The following SALL4 variants were observed in gnomAD, a reference collection of about 807,000 sequenced individuals.
The protein encoded by SALL4 is spalt like transcription factor 4.
In SALL4, 4 loss-of-function variants were observed where a neutral mutation model predicts 60.8. The observed-to-expected ratio is 0.07, with a 90% CI of 0.03 to 0.15. The LOEUF is 0.15. Ranked by LOEUF, SALL4 falls within the 10% of genes least tolerant of loss-of-function variation. The pLI is 1.00. For synonymous variants in SALL4, 580 were observed against 574.9 expected (o/e 1.01, Z -0.13); for missense variants, 1,178 against 1,394.7 (o/e 0.84, Z 2.48).
At position 51,792,062 on chromosome 20, in the gene SALL4, C is replaced by T. The variant is rs747132490; in HGVS notation, c.421G>A (p.Glu141Lys). 6.2e-7 allele frequency: 1 copy of T among 1,614,216 alleles called. No homozygotes were observed. The highest frequency in any genetic ancestry group is 8.5e-7 in the Non-Finnish European group (1 of 1,180,046). Residue 141 changes from glutamate (E) to lysine (K), a missense_variant, in exon 2 of 4, where the codon GAG becomes AAG. Physicochemically the swap from Glu to Lys is moderately conservative, Grantham distance 56. Around this residue, in one of 5 missense-constraint regions of SALL4, gnomAD observed 853 missense variants for 1,036.8 expected, o/e 0.82. Coordinates refer to ENST00000217086, the MANE Select transcript of SALL4 (RefSeq NM_020436.5). The part of the protein sequence containing the change: ...DCHRENGGSS[E>K]DMKEKPDAES... ...GCATCCGGCTTCTCCTTCATGTCCT[C>T]TGAGCTGCCGCCATTCTCCCTGTGA... is the stretch of plus-strand genomic sequence containing the variant.
Position 51,784,124 on chromosome 20 carries a change from G to T in SALL4, c.*141C>A. The T allele has an allele frequency of 3.1e-6, 3 of 966,214 alleles. No individual in the cohort carries two copies. The highest frequency in any genetic ancestry group is 4.8e-6 in the Non-Finnish European group (3 of 626,264). 59.9% of individuals were successfully genotyped at this position (966,214 alleles called of 1,614,324 possible). Reference sequence around the variant, plus strand: ...ATCGTGATTGTAGCACTTGCCTGAGGTTGTGGTCACAACCAACGTAGTAAA... The same window carrying T: ...ATCGTGATTGTAGCACTTGCCTGAGTTTGTGGTCACAACCAACGTAGTAAA... On this transcript the variant is annotated 3_prime_UTR_variant, in exon 4 of 4. Transcript: ENST00000217086.
chr20:51,792,410 C>T (rs1287042066), intron 1 of SALL4, 58 bp from the exon 2 acceptor site: 41 of 1,585,304 alleles, frequency 2.6e-5, no homozygotes, highest in Admixed American at 5.0e-5. Flanking sequence ...TGGGGGGAGC[C>T]GGGCACCGTC....
At position 51,801,822 on chromosome 20, in the gene SALL4, C is replaced by T. The variant is rs1451539916; in HGVS notation, c.130+457G>A. ...TTCCAGGGGTGCGCCCCTCCTCCAG[C>T]CTCCAAGAAAAGCCCCAAGGGGCTG... On this transcript the variant is annotated intron_variant, in intron 1 of 3. Transcript: ENST00000217086. This position sits in a 1 kb window ranked among gnomAD's most constrained non-coding sequence, Gnocchi z 5.2. Among the ~76,000 whole-genome samples, 1 of 151,712 alleles carries T rather than the reference C, an allele frequency of 6.6e-6. No individual in the cohort carries two copies. The highest frequency in any genetic ancestry group is 1.5e-5 in the Non-Finnish European group (1 of 67,928).
chr20:51,795,944 C>T (rs1016240784), intron 1 of SALL4, among the ~76,000 whole-genome samples: 1 of 152,078 alleles, frequency 6.6e-6, no homozygotes, highest in Admixed American at 6.6e-5. Context: ...CCTGTAATCC[C>T]AGCACTTTGG....
chr20:51,793,326 TAAG>T (rs1424851034), intron 1 of SALL4, among the ~76,000 whole-genome samples: 8 of 150,966 alleles, frequency 5.3e-5, no homozygotes, highest in Admixed American at 3.3e-4. Context: ...ATAAAAAAAA[TAAG>T]AAGATAAAAA....
At chr20:51,796,513 A>G (rs2078080786) in intron 1 of SALL4, among the ~76,000 whole-genome samples, 2 of 152,194 alleles carry the variant, frequency 1.3e-5, no homozygotes, top group African/African-American at 4.8e-5. Flanking sequence ...TGTGTGGCCC[A>G]AGATAATCCT....
rs755773259 is a variant in SALL4 at position 51,790,880 on chromosome 20, C to T, written c.1603G>A (p.Gly535Ser). The change falls in exon 2 of 4, where the codon GGC becomes AGC. Residue 535 changes from glycine to serine, a missense_variant. Gly to Ser is a moderately conservative substitution (Grantham distance 56). This residue lies in a region of SALL4 where 853 missense variants were observed against 1,036.8 expected (regional missense o/e 0.82). Coordinates refer to ENST00000217086, the MANE Select transcript of SALL4 (RefSeq NM_020436.5). This position sits in a 1 kb window ranked among gnomAD's most constrained non-coding sequence, Gnocchi z 5.5. ...GPNYNSPRAG[G>S]FQGSGTPEPG... ...TCAGGGGTCCCACTCCCTTGGAAGC[C>T]ACCAGCCCTTGGGGAATTATAGTTT... The T allele has an allele frequency of 2.0e-5, 32 of 1,614,126 alleles. No homozygotes were observed. Among genetic ancestry groups the T allele is most frequent in the Non-Finnish European group, 2.5e-5 (30 of 1,180,040 alleles).
At chr20:51,792,643 C>A in intron 1 of SALL4, 1 of 616,434 alleles carries the variant, frequency 1.6e-6, no homozygotes, top group Non-Finnish European at 2.4e-6. Context: ...GAGCTGAGAT[C>A]CCGCCATTGC....
At chr20:51,795,102 T>A (rs1307216000) in intron 1 of SALL4, among the ~76,000 whole-genome samples, 1 of 152,082 alleles carries the variant, frequency 6.6e-6, no homozygotes. Flanking sequence ...CAGCACAAAC[T>A]CTCCTTTCTT....
At chr20:51,792,454 T>A (rs2078053567) in intron 1 of SALL4, 102 bp from the exon 2 acceptor site, 9 of 1,415,020 alleles carry the variant, frequency 6.4e-6, no homozygotes, top group Admixed American at 3.5e-5. Flanking sequence ...TTTGGGAGGC[T>A]GAGGTGGGCA....
rs560786072 is a variant in SALL4 at position 51,801,922 on chromosome 20, G to T, written c.130+357C>A. On this transcript the variant is annotated intron_variant, in intron 1 of 3. Transcript: ENST00000217086. The surrounding 1 kb of genome is among the most constrained non-coding windows in gnomAD (Gnocchi z 5.2). ...AGGGAGGGGGACCTAAGTTACAAGGGGGGGGGGTAACACCAGTGAGGGGAG... is the reference window on the plus strand; with the variant it reads ...AGGGAGGGGGACCTAAGTTACAAGGTGGGGGGGTAACACCAGTGAGGGGAG... Among the ~76,000 whole-genome samples, 6 of 94,854 alleles carry T rather than the reference G, an allele frequency of 6.3e-5. No individual in the cohort carries two copies. The highest frequency in any genetic ancestry group is 4.3e-4 in the South Asian group (1 of 2,316). 62.2% of individuals were successfully genotyped at this position (94,854 alleles called of 152,430 possible).
chr20:51,802,208 C>G, intron 1 of SALL4, 71 bp downstream of exon 1: 2 of 1,503,584 alleles, frequency 1.3e-6, no homozygotes, highest in Non-Finnish European at 1.8e-6. Flanking sequence ...TCCCCGAAGC[C>G]TGCGCCCTCG....
chr20:51,793,340 T>C (rs1304744202), intron 1 of SALL4, among the ~76,000 whole-genome samples: 1 of 151,692 alleles, frequency 6.6e-6, no homozygotes, highest in African/African-American at 2.4e-5. Flanking sequence ...AAGATAAAAA[T>C]AGCTGAGCAT....
intron 1 of SALL4, among the ~76,000 whole-genome samples, chr20:51,802,060 AACTT>A (rs1364272779): frequency 4.0e-5 from 6 of 151,666 alleles, no homozygotes; most frequent in Admixed American, 3.3e-4. Flanking sequence ...CTGGGGGTGA[AACTT>A]ACACAAGAGG....
chr20:51,791,645 C>T lies in SALL4; in HGVS notation c.838G>A (p.Gly280Arg). 1 of 1,614,018 alleles carries T rather than the reference C, an allele frequency of 6.2e-7. No homozygotes were observed. Among genetic ancestry groups the T allele is most frequent in the Non-Finnish European group, 8.5e-7 (1 of 1,180,034 alleles). Residue 280 changes from glycine (G) to arginine (R), a missense_variant, in exon 2 of 4, where the codon GGA (glycine) becomes AGA (arginine). By Grantham distance (125) the Gly-to-Arg change is moderately radical (BLOSUM62 -2). Around this residue, in one of 5 missense-constraint regions of SALL4, gnomAD observed 853 missense variants for 1,036.8 expected, o/e 0.82. Coordinates refer to ENST00000217086, the MANE Select transcript of SALL4 (RefSeq NM_020436.5). This position sits in a 1 kb window ranked among gnomAD's most constrained non-coding sequence, Gnocchi z 4.6. Reference sequence around the variant, plus strand: ...GCATCCAGAGACAGACCTTGGCTTCCAGCTTTCTGGCTGAGCAAAGCCACA... The same window carrying T: ...GCATCCAGAGACAGACCTTGGCTTCTAGCTTTCTGGCTGAGCAAAGCCACA... The part of the protein sequence containing the change: ...AAVALLSQKA[G>R]SQGLSLDALK...
In SALL4 at chr20:51,784,596, G is replaced by C; in HGVS notation, c.2831C>G (p.Thr944Arg). ...AIENTMALLG[T>R]DGKRVSEIFP... ...GATTTCTGAGACTCTTTTTCCGTCC[G>C]TACCTAACAGAGCCATGGTGTTCTC... The change falls in exon 4 of 4, where the codon ACG becomes AGG. Residue 944 changes from threonine to arginine, a missense_variant. By Grantham distance (71) the Thr-to-Arg change is moderately conservative (BLOSUM62 -1). Coordinates refer to ENST00000217086, the MANE Select transcript of SALL4 (RefSeq NM_020436.5). The C allele has an allele frequency of 3.7e-6, 6 of 1,614,136 alleles. No individual in the cohort carries two copies. Among genetic ancestry groups the C allele is most frequent in the Non-Finnish European group, 5.1e-6 (6 of 1,180,028 alleles).
In SALL4 at chr20:51,782,458, GGT is replaced by G. The variant is rs2077961326; in HGVS notation, c.*1805_*1806del. 6.7e-6 allele frequency: 1 copy of G among 149,854 alleles called. No individual in the cohort carries two copies. 9.3% of individuals were successfully genotyped at this position (149,854 alleles called of 1,614,324 possible). ...TTAGCTCAACAGTGAGAAAGCCACT[GGT>G]GTGTTTTCTGTAACAATATCCACTT... On this transcript the variant is annotated 3_prime_UTR_variant, in exon 4 of 4. Coordinates refer to ENST00000217086, the MANE Select transcript of SALL4 (RefSeq NM_020436.5).
rs1244374023 is a variant in SALL4 at position 51,790,725 on chromosome 20, G to A, written c.1758C>T (p.Arg586=). The change falls in exon 2 of 4, where the codon CGC becomes CGT. Residue 586 remains arginine, a synonymous_variant. Transcript: ENST00000217086. This position sits in a 1 kb window ranked among gnomAD's most constrained non-coding sequence, Gnocchi z 5.5. ...GGAACGGTCTCTCCCCGGTGTGGGT[G>A]CGATAATGCATCTTGAGGGAGCTCT... ...SCQSSLKMHY[R]THTGERPFQC... 1.5e-5 allele frequency: 25 copies of A among 1,614,166 alleles called. No homozygotes were observed. Among genetic ancestry groups the A allele is most frequent in the Non-Finnish European group, 2.1e-5 (25 of 1,180,036 alleles).
In SALL4 at chr20:51,790,369, G is replaced by A. The variant is rs370485562; in HGVS notation, c.2114C>T (p.Ser705Phe). ...EVSSQEAPSSSSKVPTPLPSI... is the reference protein window; with the variant it reads ...EVSSQEAPSSFSKVPTPLPSI... ...GGGAAGAGGCGTGGGGACCTTGGAG[G>A]AGCTGCTGGGAGCCTCCTGGGAGCT... is the stretch of plus-strand genomic sequence containing the variant. The change falls in exon 2 of 4, where the codon TCC becomes TTC. Residue 705 changes from serine to phenylalanine, a missense_variant. Physicochemically the swap from Ser to Phe is radical, Grantham distance 155. Transcript: ENST00000217086. This position sits in a 1 kb window ranked among gnomAD's most constrained non-coding sequence, Gnocchi z 5.5. 2.7e-5 allele frequency: 44 copies of A among 1,614,016 alleles called. No individual in the cohort carries two copies. Among genetic ancestry groups the A allele is most frequent in the Non-Finnish European group, 3.7e-5 (44 of 1,180,036 alleles).
Sources: gnomAD v4.1 joint callset for allele counts (sites outside exome capture counted in the v4.1 genomes callset) on GRCh38, gnomAD v4.1.1 for gene constraint, gnomAD v4.1.1 regional missense constraint, Gnocchi (gnomAD v3.1) non-coding constraint, MANE v1.5 for transcripts, NCBI Gene and HGNC (gene_info 2026-07-23, HGNC 2026-07-21) for gene names.